PDE1A: variants seen among roughly 807,000 people sequenced by gnomAD.
PDE1A encodes phosphodiesterase 1A, also known as dual specificity calcium/calmodulin-dependent 3',5'-cyclic nucleotide phosphodiesterase 1A.
Under a neutral mutation model 61.7 loss-of-function variants are expected in PDE1A, and 35 were observed. The ratio of observed to expected loss-of-function variants is 0.57; its 90% CI spans 0.43 to 0.75. The LOEUF (loss-of-function observed/expected upper bound fraction) is 0.75, where lower values mean the gene tolerates loss of function less well. Among genes scored for constraint, PDE1A ranks in the 30% least tolerant of loss-of-function variants. The pLI, the probability that PDE1A is intolerant of heterozygous loss-of-function variation, is 0.00. For missense variants in PDE1A, 597 were observed against 630.6 expected (o/e 0.95, Z 0.57); for synonymous variants, 232 against 213.2 (o/e 1.09, Z -0.77).
upstream of PDE1A, among the ~76,000 whole-genome samples, chr2:182,430,993 T>C (rs531602174): frequency 4.4e-3 from 597 of 136,446 alleles, 12 homozygotes; most frequent in Non-Finnish European, 7.3e-3. Flanking sequence ...CATTGGGAGA[T>C]ATACCTAATG....
chr2:182,201,851 T>A, intron 8 of PDE1A, 62 bp from the exon 9 acceptor site: 4 of 980,294 alleles, frequency 4.1e-6, no homozygotes, highest in Non-Finnish European at 6.3e-6. Flanking sequence ...AGTGGAACAC[T>A]TCAATAAATA....
intron 1 of PDE1A, among the ~76,000 whole-genome samples, chr2:182,274,488 T>A (rs1336916181): frequency 6.6e-6 from 1 of 152,140 alleles, no homozygotes; most frequent in Non-Finnish European, 1.5e-5. Flanking sequence ...CTTCTGTTAC[T>A]CTTGATACTC....
rs148874870 is a variant in PDE1A at position 182,191,527 on chromosome 2, G to T, written c.1126-2467C>A. Among the ~76,000 whole-genome samples, 211 of 152,060 alleles carry T rather than the reference G, an allele frequency of 1.4e-3. 2 individuals carry two copies. Among genetic ancestry groups the T allele is most frequent in the African/African-American group, 5.0e-3 (206 of 41,514 alleles). On this transcript the variant is annotated intron_variant, in intron 10 of 13. Transcript: ENST00000351439. Reference sequence around the variant, plus strand: ...GTTTTATTCTTTTGTGTATTTGTTAGGTTGGTGCAAAAGTAATTGTGGTTT... The same window carrying T: ...GTTTTATTCTTTTGTGTATTTGTTATGTTGGTGCAAAAGTAATTGTGGTTT...
chr2:182,448,013 GTT>G (rs1334788143), intron 2 of PDE1A, among the ~76,000 whole-genome samples: 6 of 152,008 alleles, frequency 3.9e-5, no homozygotes, highest in African/African-American at 1.4e-4. Context: ...ATGTGATCTT[GTT>G]TCACAACCCT....
intron 1 of PDE1A, among the ~76,000 whole-genome samples, chr2:182,403,601 A>AAAAAAAAAAAAAAAAG (rs1231764269): frequency 6.7e-6 from 1 of 149,880 alleles, no homozygotes; most frequent in African/African-American, 2.5e-5. Context: ...TCCGTCTCAA[A>AAAAAAAAAAAAAAAAG]AAAAAAAAAA....
intron 1 of PDE1A, among the ~76,000 whole-genome samples, chr2:182,391,469 A>C (rs1175474960): frequency 6.6e-6 from 1 of 152,176 alleles, no homozygotes; most frequent in Non-Finnish European, 1.5e-5. Flanking sequence ...GAAAGGCTAG[A>C]GTGGATTAGT....
chr2:182,309,807 G>C (rs1695845982), intron 1 of PDE1A, among the ~76,000 whole-genome samples: 1 of 152,102 alleles, frequency 6.6e-6, no homozygotes, highest in Non-Finnish European at 1.5e-5. Context: ...AAGACATGGA[G>C]AAGTGAAAAA....
the PDE1A span, among the ~76,000 whole-genome samples, chr2:182,603,921 T>C: frequency 6.6e-6 from 1 of 152,180 alleles, no homozygotes; most frequent in Non-Finnish European, 1.5e-5. Context: ...TCTTTCACTC[T>C]GAAATATCTC....
rs140145218 is a variant in PDE1A, at chr2:182,272,749, T to C, written c.54-8335A>G. On this transcript the variant is annotated intron_variant, in intron 1 of 13. Coordinates refer to ENST00000351439, the Ensembl canonical transcript of PDE1A. ...ATGACCAATGGAACTGATAGAATGT[T>C]TGGAAATTCGTTTTGACAGATCAAG... is the stretch of plus-strand genomic sequence containing the variant. 1.4e-4 allele frequency among the ~76,000 whole-genome samples: 22 copies of C among 152,248 alleles called. No homozygotes were observed. The East Asian group carries it at 3.9e-3, about 27-fold the overall frequency.
chr2:182,199,316 T>C (rs1686409946), intron 10 of PDE1A, among the ~76,000 whole-genome samples: 1 of 151,998 alleles, frequency 6.6e-6, no homozygotes, highest in Non-Finnish European at 1.5e-5. Flanking sequence ...TTCACTGTTT[T>C]TGGCTTTTAT....
chr2:182,146,343 T>C (rs1335349047), downstream of PDE1A, among the ~76,000 whole-genome samples: 1 of 152,236 alleles, frequency 6.6e-6, no homozygotes, highest in East Asian at 1.9e-4. Flanking sequence ...TTATAATATG[T>C]ACTTGCTTTG....
chr2:182,693,889 C>T, the PDE1A span, among the ~76,000 whole-genome samples: 766 of 152,172 alleles, frequency 5.0e-3, 12 homozygotes, highest in African/African-American at 0.018. Flanking sequence ...TCAAGTGATC[C>T]GCCCGCCTTA....
intron 1 of PDE1A, among the ~76,000 whole-genome samples, chr2:182,343,867 CT>C (rs1698350984): frequency 2.8e-5 from 1 of 35,478 alleles, no homozygotes; most frequent in African/African-American, 1.0e-4. Flanking sequence ...TAATCTTTTT[CT>C]TTTTCTTTTT....
chr2:182,140,277 T>C (rs951181215), exon 15 of PDE1A: 3 of 152,218 alleles, frequency 2.0e-5, no homozygotes, highest in African/African-American at 7.2e-5. Flanking sequence ...TATGCATATA[T>C]GCACCATGCT....
chr2:182,348,061 C>G (rs897781758), intron 1 of PDE1A, among the ~76,000 whole-genome samples: 2 of 152,156 alleles, frequency 1.3e-5, no homozygotes, highest in African/African-American at 4.8e-5. Context: ...TGCACTTAAA[C>G]TCACCCATAC....
At chr2:182,664,801 C>T in the PDE1A span, among the ~76,000 whole-genome samples, 1 of 152,136 alleles carries the variant, frequency 6.6e-6, no homozygotes, top group African/African-American at 2.4e-5. Context: ...CTTCATGATA[C>T]CAAGAAAGTG....
chr2:182,240,911 A>G (rs1199681106), intron 2 of PDE1A, among the ~76,000 whole-genome samples: 1 of 152,204 alleles, frequency 6.6e-6, no homozygotes, highest in East Asian at 1.9e-4. Flanking sequence ...AAATGAAAAC[A>G]CATGATATCA....
intron 1 of PDE1A, among the ~76,000 whole-genome samples, chr2:182,346,143 C>A (rs1698505394): frequency 6.6e-6 from 1 of 152,106 alleles, no homozygotes; most frequent in Non-Finnish European, 1.5e-5. Context: ...ATATCTTCAG[C>A]ATTTATCTAT....
At chr2:182,565,985 T>A in the PDE1A span, among the ~76,000 whole-genome samples, 1 of 152,154 alleles carries the variant, frequency 6.6e-6, no homozygotes, top group East Asian at 1.9e-4. Context: ...GGATCAGACA[T>A]GTAGACACAG....
Sources: allele counts gnomAD v4.1 joint callset (sites outside exome capture counted in the v4.1 genomes callset), GRCh38; gene constraint gnomAD v4.1.1; transcripts MANE v1.5; gene names NCBI Gene and HGNC (gene_info 2026-07-23, HGNC 2026-07-21).